The following PPP2R2B variants were observed in gnomAD, a reference collection of about 807,000 sequenced individuals.
PPP2R2B encodes the protein serine/threonine-protein phosphatase 2A 55 kDa regulatory subunit B beta isoform.
In PPP2R2B, 5 loss-of-function variants were observed where a neutral mutation model predicts 46.0. The ratio of observed to expected loss-of-function variants is 0.11; its 90% CI spans 0.06 to 0.23. The LOEUF (loss-of-function observed/expected upper bound fraction) is 0.23, where lower values mean the gene tolerates loss of function less well. Among genes scored for constraint, PPP2R2B ranks in the 10% least tolerant of loss-of-function variants. The probability of loss-of-function intolerance (pLI) is 1.00; values close to 1 mark genes in which losing one functional copy is unlikely to be tolerated. For missense variants in PPP2R2B, 367 were observed against 575.0 expected, an observed-to-expected ratio of 0.64 and a Z score of 3.70; for synonymous variants, 215 against 206.7, an observed-to-expected ratio of 1.04 and a Z score of -0.34.
At chr5:146,919,487 T>C (rs1391459637) in intron 1 of PPP2R2B, 1 of 152,154 alleles carries the variant, frequency 6.6e-6, no homozygotes, top group Non-Finnish European at 1.5e-5. Flanking sequence ...CAGATCAACA[T>C]GCAAAAGAGA....
chr5:146,725,477 T>C (rs1201627153), intron 2 of PPP2R2B, among the ~76,000 whole-genome samples: 1 of 152,178 alleles, frequency 6.6e-6, no homozygotes, highest in East Asian at 1.9e-4. Context: ...CATGCATGCA[T>C]CTAAATGTTG....
At chr5:147,050,572 C>G (rs1756759239) in intron 1 of PPP2R2B, among the ~76,000 whole-genome samples, 1 of 152,124 alleles carries the variant, frequency 6.6e-6, no homozygotes, top group East Asian at 1.9e-4. Flanking sequence ...TTGCATTTAA[C>G]AGCTGTGTGA....
chr5:146,698,596 A>T (rs1581902919), intron 3 of PPP2R2B, among the ~76,000 whole-genome samples: 1 of 151,922 alleles, frequency 6.6e-6, no homozygotes, highest in African/African-American at 2.4e-5. Flanking sequence ...TATGACTTTC[A>T]TTGGCCTTTT....
intron 2 of PPP2R2B, among the ~76,000 whole-genome samples, chr5:146,732,697 G>T (rs530284042): frequency 6.6e-6 from 1 of 152,124 alleles, no homozygotes; most frequent in Non-Finnish European, 1.5e-5. Flanking sequence ...AAAAGCTTAG[G>T]AATATGCAAA....
At chr5:146,657,934 A>G (rs1241559272) in intron 5 of PPP2R2B, among the ~76,000 whole-genome samples, 2 of 152,174 alleles carry the variant, frequency 1.3e-5, no homozygotes. Context: ...GTTCTGTATC[A>G]TCAATTAGGA....
upstream of PPP2R2B, chr5:147,056,083 T>C: frequency 9.2e-7 from 1 of 1,086,616 alleles, no homozygotes; most frequent in South Asian, 3.3e-5. Context: ...CTGAAACCTC[T>C]ACCTTTTCCC....
In PPP2R2B at chr5:146,886,752, T is replaced by C. The variant is rs373952760; in HGVS notation, c.79+168913A>G. ...TGGTTATGCGTAGTTTTCTTTTGTG[T>C]TCATGTTTTCGTTAAAATATTTTAG... On this transcript the variant is annotated intron_variant, in intron 1 of 8. Transcript: ENST00000336640. Among the ~76,000 whole-genome samples the C allele has an allele frequency of 1.1e-3, 172 of 152,290 alleles. 1 individual carries two copies. In the East Asian group the frequency reaches 0.02, roughly 17 times the overall value.
intron 5 of PPP2R2B, among the ~76,000 whole-genome samples, chr5:146,658,812 G>T (rs995525858): frequency 2.0e-5 from 3 of 151,998 alleles, no homozygotes; most frequent in African/African-American, 7.3e-5. Flanking sequence ...AATCAAGGCC[G>T]CATAGACGCC....
At chr5:146,776,156 T>C (rs1755168553) in intron 2 of PPP2R2B, among the ~76,000 whole-genome samples, 1 of 152,102 alleles carries the variant, frequency 6.6e-6, no homozygotes, top group Non-Finnish European at 1.5e-5. Flanking sequence ...CTAAAATTCA[T>C]ATGGAATTTC....
intron 2 of PPP2R2B, among the ~76,000 whole-genome samples, chr5:146,782,954 T>C (rs897901851): frequency 6.6e-6 from 1 of 152,074 alleles, no homozygotes; most frequent in Non-Finnish European, 1.5e-5. Flanking sequence ...ATAGAATCGA[T>C]ATGGAAAAAA....
intron 1 of PPP2R2B, among the ~76,000 whole-genome samples, chr5:147,003,967 GC>G (rs1437725900): frequency 6.6e-6 from 1 of 152,102 alleles, no homozygotes; most frequent in African/African-American, 2.4e-5. Flanking sequence ...CCAAAAGTGA[GC>G]CCTGGGCCCT....
chr5:146,845,347 C>T (rs574090569), intron 2 of PPP2R2B, among the ~76,000 whole-genome samples: 91 of 131,426 alleles, frequency 6.9e-4, no homozygotes, highest in African/African-American at 2.4e-3. Flanking sequence ...ACTCTGTTGC[C>T]CAGGCTGGAG....
intron 5 of PPP2R2B, among the ~76,000 whole-genome samples, chr5:146,669,201 T>C (rs1023814536): frequency 1.3e-5 from 2 of 152,222 alleles, no homozygotes; most frequent in Admixed American, 6.5e-5. Flanking sequence ...AATTATGTAC[T>C]GAATTGTATC....
chr5:146,664,334 T>A (rs543046689), intron 5 of PPP2R2B, among the ~76,000 whole-genome samples: 1 of 152,184 alleles, frequency 6.6e-6, no homozygotes, highest in Non-Finnish European at 1.5e-5. Flanking sequence ...TTATTAATAT[T>A]GACGTGATAT....
intron 2 of PPP2R2B, among the ~76,000 whole-genome samples, chr5:146,794,404 A>G (rs1756393536): frequency 6.6e-6 from 1 of 152,206 alleles, no homozygotes; most frequent in South Asian, 2.1e-4. Context: ...TGGAGACCCA[A>G]GCTTATTCAG....
chr5:146,788,010 T>C (rs187751454), intron 2 of PPP2R2B, among the ~76,000 whole-genome samples: 2 of 152,320 alleles, frequency 1.3e-5, no homozygotes, highest in Admixed American at 6.5e-5. Flanking sequence ...CTTTCTCATG[T>C]CTGCTTTCGG....
chr5:146,942,403 TAAGTC>T (rs990156916), intron 1 of PPP2R2B, among the ~76,000 whole-genome samples: 4 of 152,190 alleles, frequency 2.6e-5, no homozygotes, highest in Non-Finnish European at 1.5e-5. Context: ...CCGTCAGAAA[TAAGTC>T]AAGTTCAAGG....
At chr5:146,686,760 C>G (rs1041678460) in intron 5 of PPP2R2B, among the ~76,000 whole-genome samples, 1 of 152,058 alleles carries the variant, frequency 6.6e-6, no homozygotes, top group Non-Finnish European at 1.5e-5. Context: ...AAAAAGAATA[C>G]CTCCAGGCTT....
intron 1 of PPP2R2B, among the ~76,000 whole-genome samples, chr5:147,044,491 A>G (rs1756462418): frequency 6.6e-6 from 1 of 152,162 alleles, no homozygotes. Flanking sequence ...CTTGCATAAT[A>G]TATTTTCTTT....
Sources: allele counts gnomAD v4.1 joint callset (sites outside exome capture counted in the v4.1 genomes callset), GRCh38; gene constraint gnomAD v4.1.1; transcripts MANE v1.5; gene names NCBI Gene and HGNC (gene_info 2026-07-23, HGNC 2026-07-21).